The following DNASE1L2 variants were observed in gnomAD, a reference collection of about 807,000 sequenced individuals.
DNASE1L2 encodes the protein deoxyribonuclease-1-like 2.
Under a neutral mutation model 31.8 loss-of-function variants are expected in DNASE1L2, and 35 were observed. That is an observed-to-expected ratio of 1.10 (90% confidence interval 0.84 to 1.46). DNASE1L2 has a LOEUF of 1.46. Among genes scored for constraint, DNASE1L2 ranks in the 40% most tolerant of loss-of-function variants. The pLI, the probability that DNASE1L2 is intolerant of heterozygous loss-of-function variation, is 0.00. For synonymous variants in DNASE1L2, 211 were observed against 186.5 expected, an observed-to-expected ratio of 1.13 and a Z score of -1.07; for missense variants, 504 against 418.8, an observed-to-expected ratio of 1.20 and a Z score of -1.77.
chr16:2,237,601 C>T lies in DNASE1L2; in HGVS notation c.543C>T (p.Asp181=). The T allele has an allele frequency of 6.2e-7, 1 of 1,611,420 alleles. No individual in the cohort carries two copies. Among genetic ancestry groups the T allele is most frequent in the African/African-American group, 1.3e-5 (1 of 74,900 alleles). The change falls in exon 5 of 7, where the codon GAC becomes GAT. Residue 181 remains aspartate, a synonymous_variant. Coordinates refer to ENST00000320700, the MANE Select transcript of DNASE1L2 (RefSeq NM_001374.3). ...CGCATCAAGCCGTGGCGGAGATCGA[C>T]GCGCTCTACGACGTGTACCTGGACG... The part of the protein sequence containing the change: ...AAPHQAVAEI[D]ALYDVYLDVI...
chr16:2,237,453 T>C lies in DNASE1L2; in HGVS notation c.395T>C (p.Val132Ala), dbSNP rs1241825382. ...GTCTTCAGCCGCGAGCCCTTCGTGG[T>C]CAAGTTCTCGGCCCCCGGCACCGGT... Reference protein sequence around the residue: ...EDVFSREPFVVKFSAPGTGER... With the variant: ...EDVFSREPFVAKFSAPGTGER... The change falls in exon 5 of 7, where the codon GTC (valine) becomes GCC (alanine). Residue 132 changes from valine to alanine, a missense_variant. Coordinates refer to ENST00000320700, the MANE Select transcript of DNASE1L2 (RefSeq NM_001374.3). 1.9e-6 allele frequency: 3 copies of C among 1,587,896 alleles called. No individual in the cohort carries two copies. The highest frequency in any genetic ancestry group is 1.7e-5 in the Admixed American group (1 of 57,402).
At position 2,236,542 on chromosome 16, in the gene DNASE1L2, C is replaced by G; in HGVS notation, c.-58C>G. On this transcript the variant is annotated 5_prime_UTR_variant, in exon 1 of 7. Coordinates refer to ENST00000320700, the MANE Select transcript of DNASE1L2 (RefSeq NM_001374.3). ...CCCCTAGGATCTCTGAGCCTCGGGC[C>G]TCTGCACCCACATCCAAGGTGAGTC... is the stretch of plus-strand genomic sequence containing the variant. The G allele has an allele frequency of 8.0e-7, 1 of 1,244,050 alleles. No homozygotes were observed. Among genetic ancestry groups the G allele is most frequent in the Non-Finnish European group, 1.0e-6 (1 of 994,764 alleles). The allele number at this position is 1,244,050 out of a possible 1,614,324, so 77.1% of individuals were successfully genotyped here.
rs534305424 is a variant in DNASE1L2, at chr16:2,237,629, A to G, written c.571A>G (p.Ile191Val). 2 of 1,607,390 alleles carry G rather than the reference A, an allele frequency of 1.2e-6. No homozygotes were observed. The highest frequency in any genetic ancestry group is 2.2e-5 in the South Asian group (2 of 90,718). The change falls in exon 5 of 7, where the codon ATC becomes GTC. Residue 191 changes from isoleucine (I) to valine (V), a missense_variant. By Grantham distance (29) the Ile-to-Val change is conservative (BLOSUM62 3). Coordinates refer to ENST00000320700, the MANE Select transcript of DNASE1L2 (RefSeq NM_001374.3). ...DALYDVYLDV[I>V]DKWGTDDMLF... ...GCTCTACGACGTGTACCTGGACGTG[A>G]TCGACAAGTGGGGCACCGACGTAAG...
In DNASE1L2 at chr16:2,237,780, T is replaced by C. The variant is rs767403519; in HGVS notation, c.605T>C (p.Leu202Pro). 6.8e-5 allele frequency: 109 copies of C among 1,607,474 alleles called. No homozygotes were observed. The highest frequency in any genetic ancestry group is 9.0e-5 in the Non-Finnish European group (106 of 1,177,906). ...CGGCGCCCGCAGGACATGCTGTTCC[T>C]GGGCGACTTCAACGCCGACTGCAGC... ...DKWGTDDMLFLGDFNADCSYV... is the reference protein window; with the variant it reads ...DKWGTDDMLFPGDFNADCSYV... The change falls in exon 6 of 7, where the codon CTG (leucine) becomes CCG (proline). Residue 202 changes from leucine (L) to proline (P), a missense_variant. Coordinates refer to ENST00000320700, the MANE Select transcript of DNASE1L2 (RefSeq NM_001374.3).
At position 2,237,446 on chromosome 16, in the gene DNASE1L2, T is replaced by C; in HGVS notation, c.388T>C (p.Phe130Leu). Residue 130 changes from phenylalanine to leucine, a missense_variant, in exon 5 of 7, where the codon TTC (phenylalanine) becomes CTC (leucine). Phe to Leu is a conservative substitution (Grantham distance 22). Coordinates refer to ENST00000320700, the MANE Select transcript of DNASE1L2 (RefSeq NM_001374.3). ...CGAGGACGTCTTCAGCCGCGAGCCCTTCGTGGTCAAGTTCTCGGCCCCCGG... is the reference window on the plus strand; with the variant it reads ...CGAGGACGTCTTCAGCCGCGAGCCCCTCGTGGTCAAGTTCTCGGCCCCCGG... The part of the protein sequence containing the change: ...DPEDVFSREP[F>L]VVKFSAPGTG... 6.3e-7 allele frequency: 1 copy of C among 1,591,094 alleles called. No individual in the cohort carries two copies. The highest frequency in any genetic ancestry group is 8.5e-7 in the Non-Finnish European group (1 of 1,171,540).
intron 3 of DNASE1L2, 29 bp from the exon 4 acceptor site, chr16:2,237,189 C>G: frequency 6.4e-7 from 1 of 1,552,912 alleles, no homozygotes; most frequent in Non-Finnish European, 8.7e-7. Flanking sequence ...CGCGGCGCCC[C>G]GACCCTGAGC....
In DNASE1L2 at chr16:2,238,222, AGTG is replaced by A. The variant is rs939095360; in HGVS notation, c.844-136_844-134del. 56 of 1,422,472 alleles carry A rather than the reference AGTG, an allele frequency of 3.9e-5. No individual in the cohort carries two copies. The African/African-American group carries it at 7.5e-4, about 19-fold the overall frequency. 88.1% of individuals were successfully genotyped at this position (1,422,472 alleles called of 1,614,324 possible). On this transcript the variant is annotated intron_variant, in intron 6 of 6. Transcript: ENST00000320700. ...TACCTTGCCTTTCCCTCAAAGGGCC[AGTG>A]GTGACACCCTCTGCCCCGGCCCCTG... is the stretch of plus-strand genomic sequence containing the variant.
rs751748992 is a variant in DNASE1L2 at position 2,238,445 on chromosome 16, C to CT, written c.*28dup. 6.2e-7 allele frequency: 1 copy of CT among 1,612,990 alleles called. No individual in the cohort carries two copies. Among genetic ancestry groups the CT allele is most frequent in the Non-Finnish European group, 8.5e-7 (1 of 1,179,846 alleles). On this transcript the variant is annotated 3_prime_UTR_variant, in exon 7 of 7. Transcript: ENST00000320700. ...TCGAGGCCTGGCTGGGGCATGCCAC[C>CT]TGCAGACCCTGGCTCTGAGGAATGG...
Position 2,237,837 on chromosome 16 carries a change from G to A in DNASE1L2, c.662G>A (p.Arg221His), listed in dbSNP as rs200119394. The A allele has an allele frequency of 1.2e-4, 197 of 1,612,414 alleles. No homozygotes were observed. Among genetic ancestry groups the A allele is most frequent in the Admixed American group, 3.5e-4 (21 of 59,978 alleles). The change falls in exon 6 of 7, where the codon CGT becomes CAT. Residue 221 changes from arginine to histidine, a missense_variant. By Grantham distance (29) the Arg-to-His change is conservative. Transcript: ENST00000320700. ...CGGGCGCAGGACTGGGCCGCCATCC[G>A]TCTGAGGAGCAGTGAGGTCTTCAAG... Reference protein sequence around the residue: ...YVRAQDWAAIRLRSSEVFKWL... With the variant: ...YVRAQDWAAIHLRSSEVFKWL...
In DNASE1L2 at chr16:2,237,854, G is replaced by T; in HGVS notation, c.679G>T (p.Val227Phe). Residue 227 changes from valine (V) to phenylalanine (F), a missense_variant, in exon 6 of 7, where the codon GTC (valine) becomes TTC (phenylalanine). By Grantham distance (50) the Val-to-Phe change is conservative (BLOSUM62 -1). Transcript: ENST00000320700. Reference protein sequence around the residue: ...WAAIRLRSSEVFKWLIPDSAD... With the variant: ...WAAIRLRSSEFFKWLIPDSAD... ...CGCCATCCGTCTGAGGAGCAGTGAG[G>T]TCTTCAAGTGGCTCATCCCTGACAG... The T allele has an allele frequency of 6.2e-7, 1 of 1,612,708 alleles. No homozygotes were observed. Among genetic ancestry groups the T allele is most frequent in the Non-Finnish European group, 8.5e-7 (1 of 1,179,842 alleles).
At position 2,236,949 on chromosome 16, in the gene DNASE1L2, A is replaced by G. The variant is rs1407361141; in HGVS notation, c.133A>G (p.Ile45Val). 2.6e-6 allele frequency: 4 copies of G among 1,565,028 alleles called. No individual in the cohort carries two copies. Among genetic ancestry groups the G allele is most frequent in the Admixed American group, 1.9e-5 (1 of 52,812 alleles). ...AGTGTCGGACCCCGCTTGCGGCAGC[A>G]TCATCGCGAAGGTGGGGCCCGGGCC... Reference protein sequence around the residue: ...SKVSDPACGSIIAKILAGYDL... With the variant: ...SKVSDPACGSVIAKILAGYDL... The change falls in exon 2 of 7, where the codon ATC (isoleucine) becomes GTC (valine). Residue 45 changes from isoleucine to valine, a missense_variant. Coordinates refer to ENST00000320700, the MANE Select transcript of DNASE1L2 (RefSeq NM_001374.3).
rs1342297304 is a variant in DNASE1L2 at position 2,237,475 on chromosome 16, C to G, written c.417C>G (p.Thr139=). The G allele has an allele frequency of 1.3e-6, 2 of 1,577,200 alleles. No individual in the cohort carries two copies. Among genetic ancestry groups the G allele is most frequent in the Non-Finnish European group, 8.6e-7 (1 of 1,163,320 alleles). The stretch of plus-strand genomic sequence containing the variant: ...TGGTCAAGTTCTCGGCCCCCGGCAC[C>G]GGTGAGCGGGCCCCGCCCCTCCCCT... ...PFVVKFSAPG[T]GERAPPLPSR... Residue 139 remains threonine, a synonymous_variant, in exon 5 of 7, where the codon ACC becomes ACG. Transcript: ENST00000320700.
In DNASE1L2 at chr16:2,237,431, T is replaced by G. The variant is rs773752842; in HGVS notation, c.373T>G (p.Phe125Val). The change falls in exon 5 of 7, where the codon TTC (phenylalanine) becomes GTC (valine). Residue 125 changes from phenylalanine to valine, a missense_variant. Coordinates refer to ENST00000320700, the MANE Select transcript of DNASE1L2 (RefSeq NM_001374.3). ...CCTGTACCCAGACCCCGAGGACGTC[T>G]TCAGCCGCGAGCCCTTCGTGGTCAA... ...TYLYPDPEDV[F>V]SREPFVVKFS... 6.3e-7 allele frequency: 1 copy of G among 1,596,270 alleles called. No individual in the cohort carries two copies. The highest frequency in any genetic ancestry group is 8.5e-7 in the Non-Finnish European group (1 of 1,174,590).
Position 2,236,893 on chromosome 16 carries a change from C to A in DNASE1L2, c.77C>A (p.Ala26Asp), listed in dbSNP as rs757336279. ...AAGTAALRIG[A>D]FNIQSFGDSK... ...GGGACCGCCGCGCTTCGCATCGGAG[C>A]CTTCAACATTCAGAGCTTCGGTGAC... is the stretch of plus-strand genomic sequence containing the variant. The change falls in exon 2 of 7, where the codon GCC (alanine) becomes GAC (aspartate). Residue 26 changes from alanine to aspartate, a missense_variant. Ala to Asp is a moderately radical substitution (Grantham distance 126). Transcript: ENST00000320700. 2 of 1,596,084 alleles carry A rather than the reference C, an allele frequency of 1.3e-6. No individual in the cohort carries two copies. The highest frequency in any genetic ancestry group is 1.7e-6 in the Non-Finnish European group (2 of 1,171,964).
rs1300822452 is a variant in DNASE1L2, at chr16:2,237,778, C to T, written c.603C>T (p.Phe201=). 3.7e-6 allele frequency: 6 copies of T among 1,607,272 alleles called. No individual in the cohort carries two copies. Among genetic ancestry groups the T allele is most frequent in the Non-Finnish European group, 5.1e-6 (6 of 1,177,756 alleles). Residue 201 remains phenylalanine, a synonymous_variant, in exon 6 of 7, where the codon TTC becomes TTT. Transcript: ENST00000320700. ...IDKWGTDDML[F]LGDFNADCSY... ...CGCGGCGCCCGCAGGACATGCTGTTCCTGGGCGACTTCAACGCCGACTGCA... is the reference window on the plus strand; with the variant it reads ...CGCGGCGCCCGCAGGACATGCTGTTTCTGGGCGACTTCAACGCCGACTGCA...
In DNASE1L2 at chr16:2,236,829, C is replaced by G; in HGVS notation, c.13C>G (p.Arg5Gly). ...CTCGCTCCGCGCCATGGGCGGGCCC[C>G]GGGCTCTGCTGGCCGCACTCTGGGC... MGGP[R>G]ALLAALWALE... Residue 5 changes from arginine to glycine, a missense_variant, in exon 2 of 7, where the codon CGG (arginine) becomes GGG (glycine). Arg to Gly is a moderately radical substitution (Grantham distance 125). Coordinates refer to ENST00000320700, the MANE Select transcript of DNASE1L2 (RefSeq NM_001374.3). 6.3e-7 allele frequency: 1 copy of G among 1,597,668 alleles called. No homozygotes were observed. Among genetic ancestry groups the G allele is most frequent in the South Asian group, 1.1e-5 (1 of 89,452 alleles).
In DNASE1L2 at chr16:2,238,413, C is replaced by T. The variant is rs576005895; in HGVS notation, c.895C>T (p.Arg299Ter). 23 of 1,613,346 alleles carry T rather than the reference C, an allele frequency of 1.4e-5. No homozygotes were observed. Among genetic ancestry groups the T allele is most frequent in the Middle Eastern group, 1.6e-4 (1 of 6,084 alleles). ...FPVEVTLKFH[R>*] Reference sequence around the variant, plus strand: ...AGTGGAGGTGACCCTCAAGTTCCACCGATGACTCGAGGCCTGGCTGGGGCA... The same window carrying T: ...AGTGGAGGTGACCCTCAAGTTCCACTGATGACTCGAGGCCTGGCTGGGGCA... The change falls in exon 7 of 7, where the codon CGA (arginine) becomes TGA (stop). Residue 299 changes from arginine to a stop codon, truncating the protein, a stop_gained. Coordinates refer to ENST00000320700, the MANE Select transcript of DNASE1L2 (RefSeq NM_001374.3). LOFTEE classifies it high-confidence loss of function.
chr16:2,238,079 G>A (rs988127765), intron 6 of DNASE1L2, 61 bp downstream of exon 6: 29 of 1,528,550 alleles, frequency 1.9e-5, no homozygotes, highest in Admixed American at 1.2e-4. Context: ...CACGCAGGCA[G>A]CAGGGAGGGT....
Position 2,238,032 on chromosome 16 carries a change from G to C in DNASE1L2, c.843+14G>C. ...GACCAGACTCAGGCGAGTGGGCCGT[G>C]GGGCGGTGCTGGTCTTGGGTCCCCA... On this transcript the variant is annotated intron_variant, in intron 6 of 6. Coordinates refer to ENST00000320700, the MANE Select transcript of DNASE1L2 (RefSeq NM_001374.3). 1 of 1,583,428 alleles carries C rather than the reference G, an allele frequency of 6.3e-7. No individual in the cohort carries two copies. Among genetic ancestry groups the C allele is most frequent in the Non-Finnish European group, 8.6e-7 (1 of 1,166,220 alleles).
Sources: allele counts gnomAD v4.1 joint callset, GRCh38; gene constraint gnomAD v4.1.1; transcripts MANE v1.5; gene names NCBI Gene and HGNC (gene_info 2026-07-23, HGNC 2026-07-21).